Variants in GRK4 observed in about 807,000 individuals in gnomAD.
GRK4 encodes G protein-coupled receptor kinase 2-like.
Under a neutral mutation model 77.9 loss-of-function variants are expected in GRK4, and 73 were observed. The ratio of observed to expected loss-of-function variants is 0.94; its 90% confidence interval spans 0.78 to 1.14. The LOEUF (loss-of-function observed/expected upper bound fraction) is 1.14. Ranked by LOEUF, GRK4 falls within the 50% of genes most tolerant of loss-of-function variation. The pLI is 0.00. For missense variants in GRK4, 729 were observed against 700.2 expected, an observed-to-expected ratio of 1.04 and a Z score of -0.46; for synonymous variants, 257 against 254.4, an observed-to-expected ratio of 1.01 and a Z score of -0.10.
At chr4:2,986,389 G>A (rs930187655) in intron 2 of GRK4, among the ~76,000 whole-genome samples, 19 of 121,204 alleles carry the variant, frequency 1.6e-4, no homozygotes, top group Admixed American at 5.3e-4. Flanking sequence ...ACAGAGTCTC[G>A]CTGTGTCGCC....
intron 5 of GRK4, among the ~76,000 whole-genome samples, chr4:3,006,635 A>T (rs1354902883): frequency 6.6e-6 from 1 of 152,110 alleles, no homozygotes; most frequent in Admixed American, 6.6e-5. Flanking sequence ...TTAGCCAGGC[A>T]TAGTGGTACA....
At chr4:3,036,150 G>A (rs1270917206) in intron 13 of GRK4, among the ~76,000 whole-genome samples, 1 of 152,244 alleles carries the variant, frequency 6.6e-6, no homozygotes, top group East Asian at 1.9e-4. Context: ...TCTCAGGGCT[G>A]GCTTTCTCTC....
chr4:2,976,116 C>A (rs1318895518), intron 1 of GRK4, among the ~76,000 whole-genome samples: 2 of 152,176 alleles, frequency 1.3e-5, no homozygotes, highest in Non-Finnish European at 2.9e-5. Flanking sequence ...TGCTTCAGCC[C>A]TTTTCTGCCT....
chr4:2,977,303 C>T (rs3021140), intron 1 of GRK4, among the ~76,000 whole-genome samples: 56,017 of 152,048 alleles, frequency 0.37, 10,823 homozygotes, highest in African/African-American at 0.45. Context: ...TGGGGCTCTC[C>T]AAGCACTTGG....
chr4:2,973,648 G>T (rs1720236435), intron 1 of GRK4, among the ~76,000 whole-genome samples: 1 of 152,148 alleles, frequency 6.6e-6, no homozygotes, highest in Admixed American at 6.6e-5. Flanking sequence ...AAACGCAGCA[G>T]ATTCCGACCT....
At chr4:3,025,771 G>GT (rs34856786) in intron 10 of GRK4, among the ~76,000 whole-genome samples, 2,481 of 152,170 alleles carry the variant, frequency 0.016, 61 homozygotes, top group African/African-American at 0.057. Flanking sequence ...AGAGTGTATC[G>GT]TAAGATGTCT....
chr4:3,028,440 T>C (rs990512018), intron 11 of GRK4, among the ~76,000 whole-genome samples: 1 of 152,084 alleles, frequency 6.6e-6, no homozygotes, highest in South Asian at 2.1e-4. Flanking sequence ...GACCCCAAGG[T>C]CTTGTGGCTT....
Position 2,963,939 on chromosome 4 carries a change from G to A in GRK4, c.-132G>A, listed in dbSNP as rs775568801. On this transcript the variant is annotated 5_prime_UTR_variant, in exon 1 of 16. Coordinates refer to ENST00000398052, the MANE Select transcript of GRK4 (RefSeq NM_182982.3). ...GTGGTGGCGGCGGAGCAGCCTCCCGGGATCGTGTCCGGAGCTCGAGGAGAG... is the reference window on the plus strand; with the variant it reads ...GTGGTGGCGGCGGAGCAGCCTCCCGAGATCGTGTCCGGAGCTCGAGGAGAG... 3.6e-6 allele frequency: 3 copies of A among 837,380 alleles called. No homozygotes were observed. The highest frequency in any genetic ancestry group is 5.9e-6 in the Non-Finnish European group (3 of 511,262). 51.9% of individuals were successfully genotyped at this position (837,380 alleles called of 1,614,324 possible).
intron 1 of GRK4, among the ~76,000 whole-genome samples, chr4:2,971,846 T>G (rs1719645146): frequency 6.6e-6 from 1 of 152,176 alleles, no homozygotes; most frequent in South Asian, 2.1e-4. Flanking sequence ...TGATCTGTCT[T>G]CATCTTCACG....
At chr4:3,000,207 C>T (rs1729114399) in intron 4 of GRK4, among the ~76,000 whole-genome samples, 1 of 152,158 alleles carries the variant, frequency 6.6e-6, no homozygotes, top group Admixed American at 6.5e-5. Flanking sequence ...TGTACCTTAC[C>T]TTGCCATACT....
chr4:3,019,850 A>G lies in GRK4; in HGVS notation c.932+19A>G, dbSNP rs1735586646. On this transcript the variant is annotated intron_variant, in intron 9 of 15. Coordinates refer to ENST00000398052, the MANE Select transcript of GRK4 (RefSeq NM_182982.3). ...TATACAGGTAAGAACGGTGCTACCT[A>G]ATGGAGCCTGCAAGTCTTGGAGCCG... 6.3e-7 allele frequency: 1 copy of G among 1,589,826 alleles called. No homozygotes were observed.
intron 10 of GRK4, 23 bp downstream of exon 10, chr4:3,022,474 T>C: frequency 6.2e-7 from 1 of 1,610,484 alleles, no homozygotes; most frequent in Non-Finnish European, 8.5e-7. Flanking sequence ...GCCTTTCACA[T>C]CTAATGGGTA....
rs1396523362 is a variant in GRK4 at position 2,988,796 on chromosome 4, C to T, written c.218C>T (p.Thr73Ile). ...GRRLFRQFCD[T>I]KPTLKRHIEF... ...CGTCTCTTCAGGCAGTTCTGTGATA[C>T]CAAACCCACTCTAAAGAGGCACATT... is the stretch of plus-strand genomic sequence containing the variant. The change falls in exon 3 of 16, where the codon ACC (threonine) becomes ATC (isoleucine). Residue 73 changes from threonine (T) to isoleucine (I), a missense_variant. Transcript: ENST00000398052. 1 of 1,612,934 alleles carries T rather than the reference C, an allele frequency of 6.2e-7. No homozygotes were observed. Among genetic ancestry groups the T allele is most frequent in the South Asian group, 1.1e-5 (1 of 91,066 alleles).
chr4:3,034,288 C>A (rs536200527), intron 12 of GRK4, among the ~76,000 whole-genome samples: 1 of 152,260 alleles, frequency 6.6e-6, no homozygotes, highest in East Asian at 1.9e-4. Context: ...AAGCGCAGAC[C>A]AGAATGCTTT....
At chr4:2,980,658 G>A (rs1398484418) in intron 1 of GRK4, among the ~76,000 whole-genome samples, 1 of 152,100 alleles carries the variant, frequency 6.6e-6, no homozygotes, top group African/African-American at 2.4e-5. Flanking sequence ...AATGCATCCA[G>A]CCTACCTCTT....
intron 2 of GRK4, among the ~76,000 whole-genome samples, chr4:2,986,295 T>C (rs911189501): frequency 6.6e-6 from 1 of 150,874 alleles, no homozygotes; most frequent in African/African-American, 2.4e-5. Flanking sequence ...TTTTTTTCAA[T>C]GTTTCCTTTT....
At chr4:2,981,905 G>A (rs1722980680) in intron 1 of GRK4, among the ~76,000 whole-genome samples, 1 of 152,256 alleles carries the variant, frequency 6.6e-6, no homozygotes, top group South Asian at 2.1e-4. Flanking sequence ...ATGCTCATTG[G>A]TGTCCAAAGT....
At chr4:3,002,449 C>A (rs1235807217) in intron 4 of GRK4, among the ~76,000 whole-genome samples, 1 of 152,074 alleles carries the variant, frequency 6.6e-6, no homozygotes, top group East Asian at 1.9e-4. Context: ...ACAAACAATA[C>A]AAAGATCAGC....
At chr4:3,006,775 GA>G (rs912602953) in intron 5 of GRK4, among the ~76,000 whole-genome samples, 1 of 151,964 alleles carries the variant, frequency 6.6e-6, no homozygotes, top group Admixed American at 6.6e-5. Context: ...CAAAAAAAAA[GA>G]AAAGAGATGT....
Sources: allele counts gnomAD v4.1 joint callset (sites outside exome capture counted in the v4.1 genomes callset), GRCh38; gene constraint gnomAD v4.1.1; transcripts MANE v1.5; gene names NCBI Gene and HGNC (gene_info 2026-07-23, HGNC 2026-07-21).